Variants in SHPRH observed in about 807,000 individuals in gnomAD.
The protein encoded by SHPRH is E3 ubiquitin-protein ligase SHPRH.
A neutral mutation model predicts 202.5 loss-of-function variants in SHPRH; 106 were observed. That is an observed-to-expected ratio of 0.52 (90% confidence interval 0.45 to 0.62). SHPRH has a LOEUF of 0.62. Ranked by LOEUF, SHPRH falls within the 20% of genes least tolerant of loss-of-function variation. SHPRH has a pLI of 0.00. For synonymous variants in SHPRH, 729 were observed against 686.0 expected (o/e 1.06, Z -0.98); for missense variants, 1,710 against 2,020.0 (o/e 0.85, Z 2.94).
In SHPRH at chr6:145,898,915, G is replaced by T. The variant is rs569475951; in HGVS notation, c.4516-3938C>A. The stretch of plus-strand genomic sequence containing the variant: ...CAACCCTGAACTCCTGGGCGCAAGT[G>T]ATCCTCCCACCTCAGTCTCCCGAGT... On this transcript the variant is annotated intron_variant, in intron 25 of 29. Coordinates refer to ENST00000275233, the MANE Select transcript of SHPRH (RefSeq NM_001042683.3). Among the ~76,000 whole-genome samples the T allele has an allele frequency of 3.9e-5, 6 of 152,222 alleles. No individual in the cohort carries two copies. The South Asian group carries it at 1.2e-3, about 32-fold the overall frequency.
At chr6:145,929,177 C>A (rs1045293529) in intron 14 of SHPRH, among the ~76,000 whole-genome samples, 4 of 151,602 alleles carry the variant, frequency 2.6e-5, no homozygotes, top group African/African-American at 9.7e-5. Context: ...TAAAAAAAAA[C>A]CCATATTCAA....
chr6:145,914,506 T>C (rs1310729018), intron 23 of SHPRH, among the ~76,000 whole-genome samples: 1 of 152,172 alleles, frequency 6.6e-6, no homozygotes, highest in Non-Finnish European at 1.5e-5. Flanking sequence ...GTGGCATGAA[T>C]GCAGCCACAG....
In SHPRH at chr6:145,952,342, A is replaced by G. The variant is rs961972486; in HGVS notation, c.763+7T>C. ...ATAGCAATTTTTAAGTTTACTGTAAATATTACCTGGAATAATAGAATTGTG... is the reference window on the plus strand; with the variant it reads ...ATAGCAATTTTTAAGTTTACTGTAAGTATTACCTGGAATAATAGAATTGTG... On this transcript the variant is annotated splice_region_variant and intron_variant, in intron 3 of 29. Coordinates refer to ENST00000275233, the MANE Select transcript of SHPRH (RefSeq NM_001042683.3). 9.4e-6 allele frequency: 15 copies of G among 1,588,514 alleles called. No individual in the cohort carries two copies. The African/African-American group carries it at 1.8e-4, about 19-fold the overall frequency.
At chr6:145,947,182 TTA>T (rs1211191773) in intron 6 of SHPRH, among the ~76,000 whole-genome samples, 1 of 152,052 alleles carries the variant, frequency 6.6e-6, no homozygotes, top group Non-Finnish European at 1.5e-5. Flanking sequence ...TATGGAGACT[TTA>T]TTAGTGACAA....
At chr6:145,930,395 TTC>T (rs1471820807) in intron 14 of SHPRH, among the ~76,000 whole-genome samples, 2 of 152,176 alleles carry the variant, frequency 1.3e-5, no homozygotes, top group Non-Finnish European at 2.9e-5. Flanking sequence ...TGCTATGAAT[TTC>T]TTTTTAATAA....
intron 14 of SHPRH, among the ~76,000 whole-genome samples, chr6:145,930,541 AG>A (rs1785329689): frequency 6.6e-6 from 1 of 152,124 alleles, no homozygotes. Flanking sequence ...CGGACTTTCC[AG>A]TTTTCCTTCT....
At chr6:145,922,528 T>C (rs2128750325) in intron 19 of SHPRH, 135 bp downstream of exon 19, 1 of 1,250,884 alleles carries the variant, frequency 8.0e-7, no homozygotes, top group Non-Finnish European at 1.1e-6. Context: ...TTAAATTAGA[T>C]TAATACATCT....
intron 18 of SHPRH, 40 bp from the exon 19 acceptor site, chr6:145,922,876 G>T: frequency 6.8e-7 from 1 of 1,480,512 alleles, no homozygotes; most frequent in Middle Eastern, 1.8e-4. Flanking sequence ...ACAAAGAAAA[G>T]AATAATAGGT....
intron 2 of SHPRH, among the ~76,000 whole-genome samples, chr6:145,864,932 AACACACACACTCACACAC>A (rs748011508): frequency 3.0e-5 from 4 of 133,856 alleles, no homozygotes; most frequent in South Asian, 2.5e-4. Flanking sequence ...AAAATTTATA[AACACACACACTCACACAC>A]ACACACACAC....
At chr6:145,914,187 T>G (rs1012112176) in intron 23 of SHPRH, among the ~76,000 whole-genome samples, 1 of 152,136 alleles carries the variant, frequency 6.6e-6, no homozygotes, top group South Asian at 2.1e-4. Context: ...TGGTCTATGA[T>G]GGCCTCATGC....
rs1307651953 is a variant in SHPRH, at chr6:145,945,632, G to A, written c.1327C>T (p.Arg443Cys). The A allele has an allele frequency of 4.4e-6, 7 of 1,603,336 alleles. No homozygotes were observed. Among genetic ancestry groups the A allele is most frequent in the Non-Finnish European group, 5.1e-6 (6 of 1,176,402 alleles). ...PKEKVQCPPT[R>C]VMILTAVKEM... is the part of the protein sequence containing the mutation. ...TTCACAGCTGTCAGTATCATCACAC[G>A]TGTAGCTAAATGTAAAAGGATATGC... is the stretch of plus-strand genomic sequence containing the variant. The change falls in exon 8 of 30, where the codon CGT becomes TGT. Residue 443 changes from arginine (R) to cysteine (C), a missense_variant. Arg to Cys is a radical substitution (Grantham distance 180). Around this residue, in one of 8 missense-constraint regions of SHPRH, gnomAD observed 348 missense variants for 356.9 expected, o/e 0.97. Coordinates refer to ENST00000275233, the MANE Select transcript of SHPRH (RefSeq NM_001042683.3).
Position 145,941,632 on chromosome 6 carries a change from G to T in SHPRH, c.2481C>A (p.Pro827=), listed in dbSNP as rs758447133. The T allele has an allele frequency of 6.2e-7, 1 of 1,613,742 alleles. No homozygotes were observed. Among genetic ancestry groups the T allele is most frequent in the African/African-American group, 1.3e-5 (1 of 74,998 alleles). Residue 827 remains proline (P), a synonymous_variant, in exon 10 of 30, where the codon CCC becomes CCA. Transcript: ENST00000275233. ...TTGCAGAAACTCTCACTTTTACTGT[G>T]GGACACTCAACCATCTGAGCTTCAT... ...CLDEAQMVEC[P]TVKAAEMAQR...
chr6:145,907,140 T>C (rs1483656715), intron 25 of SHPRH: 3 of 152,130 alleles, frequency 2.0e-5, no homozygotes, highest in Non-Finnish European at 2.9e-5. Flanking sequence ...AAATATGATA[T>C]GTCTAAATGT....
chr6:145,937,162 T>C (rs554986824), intron 11 of SHPRH, among the ~76,000 whole-genome samples: 26 of 152,072 alleles, frequency 1.7e-4, no homozygotes, highest in African/African-American at 5.8e-4. Context: ...TTTTGTATTT[T>C]TAGTAGAGAC....
chr6:145,948,249 A>G, intron 5 of SHPRH, 23 bp downstream of exon 5: 2 of 1,520,846 alleles, frequency 1.3e-6, no homozygotes, highest in African/African-American at 1.4e-5. Context: ...TAAATCAAGC[A>G]TATAAGTAAA....
At position 145,870,012 on chromosome 6, in the gene SHPRH, AT is replaced by A. The variant is rs202153058; in HGVS notation, c.222-5522del. On this transcript the variant is annotated intron_variant, in intron 2 of 2. Transcript: ENST00000417762. Reference sequence around the variant, plus strand: ...TCTTCATTTATTTAGTTATTCTTTGATTTTTTTTCTTCAGTGTTTTGTAGTT... The same window carrying A: ...TCTTCATTTATTTAGTTATTCTTTGATTTTTTTCTTCAGTGTTTTGTAGTT... 4.2e-3 allele frequency among the ~76,000 whole-genome samples: 630 copies of A among 150,016 alleles called. 17 individuals are homozygous for A. The East Asian group carries it at 0.071, about 17-fold the overall frequency.
In SHPRH at chr6:145,922,839, G is replaced by T. The variant is rs1210111998; in HGVS notation, c.3546-3C>A. On this transcript the variant is annotated splice_region_variant and splice_polypyrimidine_tract_variant and intron_variant, in intron 18 of 29. Transcript: ENST00000275233. ...GAAGACCTCTGCAATCACGGAACCT[G>T]ATTCCCACACCAGCACCACACACAA... is the stretch of plus-strand genomic sequence containing the variant. The T allele has an allele frequency of 1.2e-6, 2 of 1,606,316 alleles. No homozygotes were observed. Among genetic ancestry groups the T allele is most frequent in the Admixed American group, 1.7e-5 (1 of 58,986 alleles).
rs767453874 is a variant in SHPRH, at chr6:145,943,663, C to T, written c.1718G>A (p.Arg573His). The T allele has an allele frequency of 1.4e-5, 22 of 1,613,656 alleles. No individual in the cohort carries two copies. Among genetic ancestry groups the T allele is most frequent in the Non-Finnish European group, 1.6e-5 (19 of 1,179,892 alleles). ...YYYYYKSRRN[R>H]SKLRKKLVPS... ...AACAAGCTTTTTCCTCAATTTACTG[C>T]GATTTCTCCTGGACTTATAATAATA... is the stretch of plus-strand genomic sequence containing the variant. Residue 573 changes from arginine (R) to histidine (H), a missense_variant, in exon 9 of 30, where the codon CGC (arginine) becomes CAC (histidine). Transcript: ENST00000275233.
intron 5 of SHPRH, among the ~76,000 whole-genome samples, chr6:145,947,966 T>C (rs889649787): frequency 6.6e-6 from 1 of 152,072 alleles, no homozygotes; most frequent in Non-Finnish European, 1.5e-5. Flanking sequence ...TCATGATGTT[T>C]AATGATTACT....
Sources: gnomAD v4.1 joint callset for allele counts (sites outside exome capture counted in the v4.1 genomes callset) on GRCh38, gnomAD v4.1.1 for gene constraint, gnomAD v4.1.1 regional missense constraint, MANE v1.5 for transcripts, NCBI Gene and HGNC (gene_info 2026-07-23, HGNC 2026-07-21) for gene names.